Variants in CFAP100 observed in about 807,000 individuals in gnomAD.
The protein encoded by CFAP100 is cilia- and flagella-associated protein 100.
A neutral mutation model predicts 81.5 loss-of-function variants in CFAP100; 70 were observed. The observed-to-expected ratio is 0.86, with a 90% CI of 0.71 to 1.05. The LOEUF is 1.05. Among genes scored for constraint, CFAP100 ranks in the 50% least tolerant of loss-of-function variants. The pLI is 0.00. For missense variants in CFAP100, 811 were observed against 776.5 expected, an observed-to-expected ratio of 1.04 and a Z score of -0.53; for synonymous variants, 341 against 314.8, an observed-to-expected ratio of 1.08 and a Z score of -0.88.
At position 126,420,009 on chromosome 3, in the gene CFAP100, A is replaced by C; in HGVS notation, c.943A>C (p.Met315Leu). 6.2e-7 allele frequency: 1 copy of C among 1,613,154 alleles called. No individual in the cohort carries two copies. Residue 315 changes from methionine to leucine, a missense_variant, in exon 10 of 17, where the codon ATG (methionine) becomes CTG (leucine). By Grantham distance (15) the Met-to-Leu change is conservative. Coordinates refer to ENST00000352312, the MANE Select transcript of CFAP100 (RefSeq NM_182628.3). ...AGGGATCAAGGGCAAGGCGAGCTCC[A>C]TGTGGGCCAAAGGTGAGCTGCCGCC... Reference protein sequence around the residue: ...GPGIKGKASSMWAKEGQGTKK... With the variant: ...GPGIKGKASSLWAKEGQGTKK...
rs1283460158 is a variant in CFAP100, at chr3:126,418,677, A to C, written c.553A>C (p.Arg185=). ...LETLATKEEA[R]LERAEKSLEK... is the part of the protein sequence containing the mutation. ...GACGCTGGCGACCAAAGAGGAGGCC[A>C]GGCTGGAGCGGGCCGAGAAATCCCT... The change falls in exon 7 of 17, where the codon AGG becomes CGG. Residue 185 remains arginine (R), a synonymous_variant. Coordinates refer to ENST00000352312, the MANE Select transcript of CFAP100 (RefSeq NM_182628.3). The C allele has an allele frequency of 3.2e-6, 5 of 1,581,762 alleles. No individual in the cohort carries two copies. Among genetic ancestry groups the C allele is most frequent in the Admixed American group, 1.9e-5 (1 of 52,878 alleles).
Position 126,436,509 on chromosome 3 carries a change from C to A in CFAP100, c.*105C>A. The A allele has an allele frequency of 1.4e-6, 1 of 730,788 alleles. No individual in the cohort carries two copies. Among genetic ancestry groups the A allele is most frequent in the Non-Finnish European group, 2.4e-6 (1 of 417,096 alleles). The allele number at this position is 730,788 out of a possible 1,614,324, so 45.3% of individuals were successfully genotyped here. A position where few individuals can be genotyped will look rare whatever the true frequency, so the allele number is the denominator to read the frequency against. On this transcript the variant is annotated 3_prime_UTR_variant, in exon 17 of 17. Transcript: ENST00000352312. ...AGTGGCCCAACTGAGTCCTCTCTGT[C>A]TCCTGTGTGCTCCCTTCCTCACCTG...
chr3:126,423,554 A>G lies in CFAP100; in HGVS notation c.1196A>G (p.Glu399Gly). 1 of 1,614,004 alleles carries G rather than the reference A, an allele frequency of 6.2e-7. No individual in the cohort carries two copies. Residue 399 changes from glutamate (E) to glycine (G), a missense_variant, in exon 13 of 17, where the codon GAG (glutamate) becomes GGG (glycine). By Grantham distance (98) the Glu-to-Gly change is moderately conservative (BLOSUM62 -2). Transcript: ENST00000352312. Reference protein sequence around the residue: ...QLLDVFRELEEQNLSLIQNSQ... With the variant: ...QLLDVFRELEGQNLSLIQNSQ... ...CTGGATGTCTTCCGAGAGCTGGAGG[A>G]GCAGAACCTGTCGCTGATCCAGAAC...
intron 13 of CFAP100, among the ~76,000 whole-genome samples, chr3:126,425,412 A>G (rs1165189706): frequency 6.6e-6 from 1 of 152,246 alleles, no homozygotes; most frequent in Non-Finnish European, 1.5e-5. Context: ...CAAATTAAAT[A>G]AATAATAGCC....
At chr3:126,396,401 C>G (rs2082889906) in intron 2 of CFAP100, 1 of 241,964 alleles carries the variant, frequency 4.1e-6, no homozygotes, top group African/African-American at 2.3e-5. Flanking sequence ...TGCTCTTTGG[C>G]TTGTAGAAGC....
intron 11 of CFAP100, 49 bp downstream of exon 11, chr3:126,420,278 C>T (rs753309017): frequency 1.1e-5 from 17 of 1,604,280 alleles, no homozygotes; most frequent in African/African-American, 4.0e-5. Flanking sequence ...GCGGCGAGCC[C>T]TCCCTTGTGG....
chr3:126,432,582 C>T (rs923991138), intron 13 of CFAP100, among the ~76,000 whole-genome samples: 20 of 152,186 alleles, frequency 1.3e-4, no homozygotes, highest in African/African-American at 4.3e-4. Flanking sequence ...GTGAAAGCAG[C>T]GAGTCACAAA....
In CFAP100 at chr3:126,407,201, T is replaced by A. The variant is rs1267691728; in HGVS notation, c.79T>A (p.Ser27Thr). ...KNSLESMNIS[S>T]SSSTEENPKK... is the part of the protein sequence containing the mutation. ...CAGCCTGGAATCCATGAACATCAGC[T>A]CTTCTTCAAGCACTGAAGAGAACCC... Residue 27 changes from serine (S) to threonine (T), a missense_variant, in exon 3 of 17, where the codon TCT becomes ACT. Coordinates refer to ENST00000352312, the MANE Select transcript of CFAP100 (RefSeq NM_182628.3). 1 of 1,613,898 alleles carries A rather than the reference T, an allele frequency of 6.2e-7. No homozygotes were observed. The highest frequency in any genetic ancestry group is 1.7e-5 in the Admixed American group (1 of 60,010).
At chr3:126,403,839 T>C (rs1264281945) in intron 2 of CFAP100, among the ~76,000 whole-genome samples, 1 of 152,246 alleles carries the variant, frequency 6.6e-6, no homozygotes, top group Non-Finnish European at 1.5e-5. Flanking sequence ...CATTTTTTTT[T>C]CTAAAAAATA....
At chr3:126,413,233 C>T (rs1232123335) in intron 3 of CFAP100, among the ~76,000 whole-genome samples, 1 of 152,234 alleles carries the variant, frequency 6.6e-6, no homozygotes, top group African/African-American at 2.4e-5. Context: ...CTTGGAGCCT[C>T]ACACTGCCCT....
In CFAP100 at chr3:126,433,099, G is replaced by T. The variant is rs1933294854; in HGVS notation, c.1317G>T (p.Trp439Cys). Residue 439 changes from tryptophan to cysteine, a missense_variant, in exon 14 of 17, where the codon TGG becomes TGT. Transcript: ENST00000352312. ...MDREVNQLKQ[W>C]VTTMMMSITK... ...GGGAGGTCAACCAGCTGAAGCAGTG[G>T]GTCACCACAATGATGATGTCCATCA... 1 of 1,614,150 alleles carries T rather than the reference G, an allele frequency of 6.2e-7. No individual in the cohort carries two copies. The highest frequency in any genetic ancestry group is 8.5e-7 in the Non-Finnish European group (1 of 1,180,024).
chr3:126,425,381 T>C (rs923374590), intron 13 of CFAP100, among the ~76,000 whole-genome samples: 3 of 152,204 alleles, frequency 2.0e-5, no homozygotes, highest in Non-Finnish European at 4.4e-5. Flanking sequence ...TAGACAATCA[T>C]AATAGGCCTA....
Position 126,420,004 on chromosome 3 carries a change from G to A in CFAP100, c.938G>A (p.Ser313Asn), listed in dbSNP as rs2083303367. ...GGACCAGGGATCAAGGGCAAGGCGA[G>A]CTCCATGTGGGCCAAAGGTGAGCTG... ...DKGPGIKGKA[S>N]SMWAKEGQGT... The change falls in exon 10 of 17, where the codon AGC becomes AAC. Residue 313 changes from serine to asparagine, a missense_variant. Physicochemically the swap from Ser to Asn is conservative, Grantham distance 46. Transcript: ENST00000352312. The A allele has an allele frequency of 6.2e-7, 1 of 1,613,176 alleles. No individual in the cohort carries two copies. Among genetic ancestry groups the A allele is most frequent in the East Asian group, 2.2e-5 (1 of 44,888 alleles).
intron 14 of CFAP100, 54 bp downstream of exon 14, chr3:126,433,258 C>A: frequency 6.2e-7 from 1 of 1,600,108 alleles, no homozygotes; most frequent in South Asian, 1.1e-5. Context: ...GACCCTTGGG[C>A]ACCCACTGGA....
At chr3:126,400,556 A>G (rs773539793) in intron 2 of CFAP100, among the ~76,000 whole-genome samples, 13 of 152,266 alleles carry the variant, frequency 8.5e-5, no homozygotes, top group Non-Finnish European at 1.3e-4. Flanking sequence ...GATTGAGACC[A>G]TCCTGGCTAA....
At chr3:126,424,722 G>A (rs1318464651) in intron 13 of CFAP100, among the ~76,000 whole-genome samples, 6 of 152,264 alleles carry the variant, frequency 3.9e-5, no homozygotes, top group African/African-American at 1.4e-4. Context: ...ATCCACAGAT[G>A]TGACTTGTGC....
intron 13 of CFAP100, among the ~76,000 whole-genome samples, chr3:126,429,334 AT>A (rs1661240429): frequency 1.3e-5 from 2 of 151,836 alleles, no homozygotes; most frequent in African/African-American, 4.8e-5. Context: ...TTTTTTCTGG[AT>A]TGTCTAATAG....
At chr3:126,435,951 G>C (rs554163990) in intron 16 of CFAP100, among the ~76,000 whole-genome samples, 1 of 151,872 alleles carries the variant, frequency 6.6e-6, no homozygotes, top group Non-Finnish European at 1.5e-5. Context: ...CCCACACTCC[G>C]GCCAGACCCC....
chr3:126,436,196 T>G, intron 16 of CFAP100, 95 bp from the exon 17 acceptor site: 2 of 886,374 alleles, frequency 2.3e-6, no homozygotes, highest in African/African-American at 3.3e-5. Flanking sequence ...TGGAGGTGAC[T>G]GGAGCTGCTG....
Sources: allele counts gnomAD v4.1 joint callset (sites outside exome capture counted in the v4.1 genomes callset), GRCh38; gene constraint gnomAD v4.1.1; transcripts MANE v1.5; gene names NCBI Gene and HGNC (gene_info 2026-07-23, HGNC 2026-07-21).